Variants in TLK2 observed in about 807,000 individuals in gnomAD.
The protein encoded by TLK2 is serine/threonine-protein kinase tousled-like 2.
A neutral mutation model predicts 117.3 loss-of-function variants in TLK2; 6 were observed. That is an observed-to-expected ratio of 0.05 (90% CI 0.03 to 0.10). TLK2 has a LOEUF of 0.10. TLK2 is among the 10% of genes least tolerant of loss of function. The probability of loss-of-function intolerance (pLI) is 1.00; values close to 1 mark genes in which losing one functional copy is unlikely to be tolerated. For synonymous variants in TLK2, 257 were observed against 316.7 expected (o/e 0.81, Z 2.00); for missense variants, 299 against 901.2 (o/e 0.33, Z 8.56).
intron 8 of TLK2, among the ~76,000 whole-genome samples, chr17:62,552,662 C>CTTT (rs77695614): frequency 7.2e-6 from 1 of 139,244 alleles, no homozygotes; most frequent in Non-Finnish European, 1.6e-5. Context: ...AACTGCACAC[C>CTTT]TTTTTTTTTT....
At chr17:62,572,860 ATTTACT>A (rs199745320) in intron 11 of TLK2, 2,796 of 158,708 alleles carry the variant, frequency 0.018, 35 homozygotes, top group Middle Eastern at 0.031. Context: ...TTAAAATACG[ATTTACT>A]TTTAATGGGT....
intron 9 of TLK2, among the ~76,000 whole-genome samples, chr17:62,556,480 C>A (rs2078872429): frequency 6.6e-6 from 1 of 152,206 alleles, no homozygotes; most frequent in African/African-American, 2.4e-5. Context: ...CCTGAGAATT[C>A]TCTCTTTTGC....
At chr17:62,570,156 C>G (rs376327897) in intron 11 of TLK2, among the ~76,000 whole-genome samples, 15 of 152,286 alleles carry the variant, frequency 9.8e-5, no homozygotes, top group African/African-American at 3.6e-4. Flanking sequence ...TTTATTCACC[C>G]TATTTCCAAA....
intron 2 of TLK2, among the ~76,000 whole-genome samples, chr17:62,493,844 G>A (rs1349352602): frequency 1.3e-5 from 2 of 151,760 alleles, no homozygotes; most frequent in Non-Finnish European, 2.9e-5. Flanking sequence ...TGCAACCTCC[G>A]CCTCCTGGGT....
chr17:62,536,366 T>C, intron 7 of TLK2, 29 bp downstream of exon 7: 3 of 1,590,798 alleles, frequency 1.9e-6, no homozygotes, highest in Non-Finnish European at 2.6e-6. Flanking sequence ...TTAATTCATA[T>C]CCTTTCCATT....
In TLK2 at chr17:62,602,033, A is replaced by T. The variant is rs761470516; in HGVS notation, c.1721-9A>T. On this transcript the variant is annotated splice_polypyrimidine_tract_variant and intron_variant, in intron 18 of 21. Transcript: ENST00000346027. The stretch of plus-strand genomic sequence containing the variant: ...TCTCTGCTTATTCATGAAGGTTTTT[A>T]TTTTTTAGGTAATATTCTTTTAGTA... 2 of 1,606,612 alleles carry T rather than the reference A, an allele frequency of 1.2e-6. No individual in the cohort carries two copies. The highest frequency in any genetic ancestry group is 2.7e-5 in the African/African-American group (2 of 74,438).
At chr17:62,532,231 T>C (rs879689911) in intron 6 of TLK2, among the ~76,000 whole-genome samples, 20 of 152,090 alleles carry the variant, frequency 1.3e-4, no homozygotes, top group Non-Finnish European at 2.4e-4. Context: ...ATAGTTTTTT[T>C]CCCCCCCCAG....
chr17:62,556,748 ATCCCTCT>A (rs148856557), intron 9 of TLK2, among the ~76,000 whole-genome samples: 2,744 of 152,176 alleles, frequency 0.018, 74 homozygotes, highest in African/African-American at 0.062. Flanking sequence ...CTATGCTTTT[ATCCCTCT>A]TTATATTGGT....
chr17:62,519,918 C>A (rs552084138), intron 2 of TLK2, among the ~76,000 whole-genome samples: 12 of 152,198 alleles, frequency 7.9e-5, no homozygotes, highest in South Asian at 6.2e-4. Flanking sequence ...TTTCCACTTG[C>A]GTAGTACCAC....
At chr17:62,535,382 A>G (rs2077042309) in intron 6 of TLK2, among the ~76,000 whole-genome samples, 1 of 152,200 alleles carries the variant, frequency 6.6e-6, no homozygotes, top group Admixed American at 6.5e-5. Flanking sequence ...TATACTGTGG[A>G]ACTTGTTTTG....
intron 2 of TLK2, among the ~76,000 whole-genome samples, chr17:62,490,497 A>C (rs1291128522): frequency 6.6e-6 from 1 of 151,944 alleles, no homozygotes; most frequent in Non-Finnish European, 1.5e-5. Flanking sequence ...TTCTCTCTCT[A>C]TACTCCCAGG....
At chr17:62,553,983 A>G (rs1292781544) in intron 9 of TLK2, among the ~76,000 whole-genome samples, 1 of 152,224 alleles carries the variant, frequency 6.6e-6, no homozygotes, top group South Asian at 2.1e-4. Context: ...GATTGAATTT[A>G]TATTGGAGAA....
chr17:62,574,864 G>C (rs965215397), intron 12 of TLK2, among the ~76,000 whole-genome samples: 3 of 152,134 alleles, frequency 2.0e-5, no homozygotes, highest in African/African-American at 7.2e-5. Context: ...TTAAAGACTA[G>C]TCAAGTGCAA....
chr17:62,482,389 G>A (rs956757433), intron 2 of TLK2, among the ~76,000 whole-genome samples: 8 of 151,692 alleles, frequency 5.3e-5, no homozygotes, highest in African/African-American at 1.5e-4. Context: ...GGTTTAGTTG[G>A]AAAAATGGGC....
chr17:62,496,482 T>C (rs2073698024), intron 2 of TLK2, among the ~76,000 whole-genome samples: 1 of 152,210 alleles, frequency 6.6e-6, no homozygotes, highest in Non-Finnish European at 1.5e-5. Flanking sequence ...TCAGTAGATA[T>C]GGCCACATTC....
intron 7 of TLK2, among the ~76,000 whole-genome samples, chr17:62,545,456 A>G (rs1320602922): frequency 1.3e-5 from 2 of 152,128 alleles, no homozygotes; most frequent in East Asian, 1.9e-4. Context: ...GTCTTTAAAA[A>G]TAAATATTAC....
At chr17:62,540,399 A>ATTTTTTTTT (rs1567879183) in intron 7 of TLK2, among the ~76,000 whole-genome samples, 2 of 13,380 alleles carry the variant, frequency 1.5e-4, no homozygotes, top group African/African-American at 1.9e-4. Context: ...ATATGTTCAG[A>ATTTTTTTTT]ATTTTTTTTT....
chr17:62,597,140 C>T (rs1311587104), intron 17 of TLK2: 1 of 154,926 alleles, frequency 6.5e-6, no homozygotes, highest in Non-Finnish European at 1.4e-5. Flanking sequence ...CAAACCCCAT[C>T]ATACCTTTTA....
At chr17:62,482,063 C>T (rs541232257) in intron 2 of TLK2, among the ~76,000 whole-genome samples, 2 of 151,960 alleles carry the variant, frequency 1.3e-5, no homozygotes, top group Non-Finnish European at 2.9e-5. Context: ...ATTCTCCTGC[C>T]TCAGCCTCCT....
Sources: gnomAD v4.1 joint callset for allele counts (sites outside exome capture counted in the v4.1 genomes callset) on GRCh38, gnomAD v4.1.1 for gene constraint, MANE v1.5 for transcripts, NCBI Gene and HGNC (gene_info 2026-07-23, HGNC 2026-07-21) for gene names.